CHN2: variants seen among roughly 807,000 people sequenced by gnomAD.
The protein encoded by CHN2 is beta-chimaerin.
Under a neutral mutation model 56.3 loss-of-function variants are expected in CHN2, and 35 were observed. That is an observed-to-expected ratio of 0.62 (90% CI 0.47 to 0.82). The LOEUF is 0.82. Ranked by LOEUF, CHN2 falls within the 40% of genes least tolerant of loss-of-function variation. The pLI is 0.00. For synonymous variants in CHN2, 210 were observed against 212.8 expected (o/e 0.99, Z 0.12); for missense variants, 491 against 580.5 (o/e 0.85, Z 1.58).
At position 29,481,044 on chromosome 7, in the gene CHN2, G is replaced by A. The variant is rs139626371; in HGVS notation, c.654+688G>A. 9.5e-3 allele frequency among the ~76,000 whole-genome samples: 1,440 copies of A among 152,326 alleles called. 17 individuals carry two copies. The highest frequency in any genetic ancestry group is 0.032 in the African/African-American group (1,350 of 41,564). On this transcript the variant is annotated intron_variant, in intron 7 of 12. Coordinates refer to ENST00000222792, the MANE Select transcript of CHN2 (RefSeq NM_004067.4). ...TTTCAGACTGGTACTTGTAGAAGGG[G>A]CCTGCCATCAGAAAATTATGGCCTG...
chr7:29,488,757 G>A (rs1788323558), intron 7 of CHN2, among the ~76,000 whole-genome samples: 1 of 152,068 alleles, frequency 6.6e-6, no homozygotes, highest in Non-Finnish European at 1.5e-5. Context: ...CCAGCTGGGA[G>A]TGCTACTGGC....
intron 6 of CHN2, among the ~76,000 whole-genome samples, chr7:29,433,897 T>G (rs1362652290): frequency 1.1e-4 from 12 of 112,950 alleles, no homozygotes; most frequent in African/African-American, 1.4e-4. Context: ...GAGGAAGGGA[T>G]GAAGGGAAGA....
In CHN2 at chr7:29,180,329, C is replaced by T. The variant is rs375970441; in HGVS notation, c.274+33369C>T. On this transcript the variant is annotated intron_variant, in intron 2 of 6. Transcript: ENST00000439384. ...TCACAAGGTCAGGACAGATTGAGACCGTCCTGACTAACACGGTGAAACCCT... is the reference window on the plus strand; with the variant it reads ...TCACAAGGTCAGGACAGATTGAGACTGTCCTGACTAACACGGTGAAACCCT... Among the ~76,000 whole-genome samples, 47 of 152,180 alleles carry T rather than the reference C, an allele frequency of 3.1e-4. No individual in the cohort carries two copies. In the East Asian group the frequency reaches 7.1e-3, roughly 23 times the overall value.
intron 1 of CHN2, among the ~76,000 whole-genome samples, chr7:29,339,480 C>T (rs983761339): frequency 2.0e-5 from 3 of 152,076 alleles, no homozygotes; most frequent in Non-Finnish European, 2.9e-5. Context: ...CCTTTTTGTG[C>T]CTTCATAGTA....
At chr7:29,204,061 CTCTCTCTGTGTG>C (rs967663696) in intron 1 of CHN2, among the ~76,000 whole-genome samples, 2 of 108,354 alleles carry the variant, frequency 1.8e-5, no homozygotes, top group African/African-American at 4.4e-5. Context: ...ACGTTTTTCT[CTCTCTCTGTGTG>C]TGTGTGTGTG....
chr7:29,289,198 G>A (rs749539662), intron 1 of CHN2: 6 of 152,206 alleles, frequency 3.9e-5, no homozygotes, highest in Non-Finnish European at 8.8e-5. Context: ...AATTAAAAAA[G>A]CTGTAGCATC....
rs117306039 is a variant in CHN2 at position 29,212,351 on chromosome 7, C to T, written c.49+17361C>T. ...AAAGCTTGCCTTGCTTCGAAGCATC[C>T]GACTGTAAAGAATCTTAACCTATGG... On this transcript the variant is annotated intron_variant, in intron 1 of 12. Coordinates refer to ENST00000222792, the MANE Select transcript of CHN2 (RefSeq NM_004067.4). 0.01 allele frequency: 15,283 copies of T among 1,525,226 alleles called. 785 individuals carry two copies. The Admixed American group carries it at 0.12, about 12-fold the overall frequency. The allele number at this position is 1,525,226 out of a possible 1,614,324, so 94.5% of individuals were successfully genotyped here.
intron 6 of CHN2, among the ~76,000 whole-genome samples, chr7:29,435,048 C>T (rs750402170): frequency 2.0e-5 from 3 of 151,998 alleles, no homozygotes; most frequent in Non-Finnish European, 2.9e-5. Context: ...GCCAAGATTG[C>T]ACCACTGCAC....
At chr7:29,195,082 G>C in intron 1 of CHN2, 92 bp downstream of exon 1, 1 of 1,355,798 alleles carries the variant, frequency 7.4e-7, no homozygotes, top group Non-Finnish European at 1.0e-6. Context: ...CCTACCTGTG[G>C]CCATCCCGCC....
intron 1 of CHN2, among the ~76,000 whole-genome samples, chr7:29,351,859 G>A (rs1797911059): frequency 1.3e-5 from 2 of 152,186 alleles, no homozygotes; most frequent in African/African-American, 4.8e-5. Flanking sequence ...GGAAGACCTT[G>A]GAGGATTTTA....
At chr7:29,490,584 G>T (rs1477521977) in intron 7 of CHN2, among the ~76,000 whole-genome samples, 1 of 152,148 alleles carries the variant, frequency 6.6e-6, no homozygotes. Context: ...TTGCTGGAAA[G>T]GTGGAAATAA....
chr7:29,165,367 T>G (rs889229295), intron 2 of CHN2, among the ~76,000 whole-genome samples: 2 of 152,192 alleles, frequency 1.3e-5, no homozygotes, highest in Admixed American at 1.3e-4. Flanking sequence ...TTTTTATATA[T>G]TACTCTTTAT....
chr7:29,487,030 C>T (rs1430498610), intron 7 of CHN2, among the ~76,000 whole-genome samples: 1 of 152,150 alleles, frequency 6.6e-6, no homozygotes, highest in African/African-American at 2.4e-5. Context: ...GTCAGCCCTT[C>T]GTGTCATTCC....
At chr7:29,309,470 T>G (rs1049709204) in intron 1 of CHN2, among the ~76,000 whole-genome samples, 1 of 152,156 alleles carries the variant, frequency 6.6e-6, no homozygotes, top group African/African-American at 2.4e-5. Context: ...TATTAATATA[T>G]TCACAGTGGC....
At chr7:29,508,431 A>C (rs947600740) in intron 11 of CHN2, among the ~76,000 whole-genome samples, 20 of 151,750 alleles carry the variant, frequency 1.3e-4, no homozygotes, top group African/African-American at 2.4e-5. Context: ...AAAAAAAAAA[A>C]AAACCTTTAA....
At chr7:29,370,593 G>A (rs185753195) in intron 3 of CHN2, among the ~76,000 whole-genome samples, 1 of 152,156 alleles carries the variant, frequency 6.6e-6, no homozygotes, top group Admixed American at 6.5e-5. Context: ...GGTAGCTCCA[G>A]TATACTCAAT....
intron 6 of CHN2, among the ~76,000 whole-genome samples, chr7:29,453,959 C>T (rs1376690049): frequency 6.6e-6 from 1 of 151,708 alleles, no homozygotes; most frequent in Non-Finnish European, 1.5e-5. Context: ...CTCCCACCTT[C>T]CGTCACGGCC....
At chr7:29,269,264 T>A (rs544610128) in intron 1 of CHN2, among the ~76,000 whole-genome samples, 3 of 152,122 alleles carry the variant, frequency 2.0e-5, no homozygotes, top group African/African-American at 7.2e-5. Context: ...TGAGTTCAAC[T>A]TTTTTTTAGC....
intron 1 of CHN2, among the ~76,000 whole-genome samples, chr7:29,235,172 TA>T (rs1787094227): frequency 6.6e-6 from 1 of 151,904 alleles, no homozygotes; most frequent in Middle Eastern, 3.4e-3. Context: ...CTATGGAACT[TA>T]AACAAACAAG....
Sources: allele counts gnomAD v4.1 joint callset (sites outside exome capture counted in the v4.1 genomes callset), GRCh38; gene constraint gnomAD v4.1.1; transcripts MANE v1.5; gene names NCBI Gene and HGNC (gene_info 2026-07-23, HGNC 2026-07-21).